ASIC2: variants seen among roughly 807,000 people sequenced by gnomAD.
The protein encoded by ASIC2 is acid-sensing ion channel 2.
A neutral mutation model predicts 57.3 loss-of-function variants in ASIC2; 25 were observed. The observed-to-expected ratio is 0.44, with a 90% CI of 0.32 to 0.61. ASIC2 has a LOEUF of 0.61. ASIC2 is among the 20% of genes least tolerant of loss of function. The pLI is 0.06. For synonymous variants in ASIC2, 319 were observed against 307.5 expected (o/e 1.04, Z -0.39); for missense variants, 641 against 738.1 (o/e 0.87, Z 1.52).
intron 1 of ASIC2, among the ~76,000 whole-genome samples, chr17:33,956,954 C>T (rs1904753438): frequency 6.6e-6 from 1 of 152,230 alleles, no homozygotes; most frequent in Non-Finnish European, 1.5e-5. Context: ...GATAGCTGCT[C>T]TGTGGCCACC....
chr17:34,012,716 TGA>T (rs948168638), intron 1 of ASIC2, among the ~76,000 whole-genome samples: 2 of 122,228 alleles, frequency 1.6e-5, no homozygotes, highest in African/African-American at 5.1e-5. Context: ...GGACAGAGAA[TGA>T]TTTTTTTTTT....
At chr17:33,077,218 C>G (rs2092092336) in intron 3 of ASIC2, among the ~76,000 whole-genome samples, 1 of 152,014 alleles carries the variant, frequency 6.6e-6, no homozygotes, top group Non-Finnish European at 1.5e-5. Context: ...CATCAAAGGC[C>G]CTATTTTAAG....
At chr17:34,033,623 T>C (rs1385312034) in intron 1 of ASIC2, among the ~76,000 whole-genome samples, 5 of 152,152 alleles carry the variant, frequency 3.3e-5, no homozygotes, top group African/African-American at 1.2e-4. Flanking sequence ...TTAGCAAGAC[T>C]AATAAAGAAG....
At chr17:33,348,987 G>T (rs1337233408) in intron 1 of ASIC2, among the ~76,000 whole-genome samples, 1 of 152,184 alleles carries the variant, frequency 6.6e-6, no homozygotes, top group Non-Finnish European at 1.5e-5. Context: ...CTGTTTGAAT[G>T]CAGACTCTTA....
chr17:33,048,494 T>C (rs1238382724), intron 3 of ASIC2, among the ~76,000 whole-genome samples: 1 of 152,194 alleles, frequency 6.6e-6, no homozygotes, highest in Non-Finnish European at 1.5e-5. Context: ...AGAATTTTGA[T>C]AGTAAAATCC....
chr17:33,369,199 T>G (rs897177062), intron 1 of ASIC2, among the ~76,000 whole-genome samples: 1 of 152,122 alleles, frequency 6.6e-6, no homozygotes, highest in Non-Finnish European at 1.5e-5. Context: ...ACCAAGAACC[T>G]GCCATAGACC....
chr17:33,913,001 T>TTAAA (rs983584741), intron 1 of ASIC2, among the ~76,000 whole-genome samples: 3 of 151,898 alleles, frequency 2.0e-5, no homozygotes, highest in African/African-American at 2.4e-5. Context: ...TAATAATAAA[T>TTAAA]TAAATAAATA....
intron 1 of ASIC2, among the ~76,000 whole-genome samples, chr17:34,097,301 C>T (rs1027064252): frequency 6.6e-6 from 1 of 151,558 alleles, no homozygotes; most frequent in African/African-American, 2.4e-5. Context: ...ATCAGAGAGG[C>T]ACAGACAAGA....
At chr17:33,464,520 C>CTT (rs71144881) in intron 1 of ASIC2, among the ~76,000 whole-genome samples, 2 of 42,350 alleles carry the variant, frequency 4.7e-5, no homozygotes, top group East Asian at 4.5e-4. Flanking sequence ...TTCTTTCTTT[C>CTT]TTTCTTTCTT....
chr17:34,024,171 A>T (rs962503447), intron 1 of ASIC2, among the ~76,000 whole-genome samples: 2 of 152,204 alleles, frequency 1.3e-5, no homozygotes, highest in Admixed American at 1.3e-4. Flanking sequence ...AAGTATAGAC[A>T]TCCAGCCAGA....
At chr17:33,736,955 G>T (rs921283220) in intron 1 of ASIC2, among the ~76,000 whole-genome samples, 1 of 152,254 alleles carries the variant, frequency 6.6e-6, no homozygotes, top group African/African-American at 2.4e-5. Flanking sequence ...GTGTAACTGA[G>T]ATACAGTAAG....
chr17:33,767,335 T>A (rs117934318), intron 1 of ASIC2, among the ~76,000 whole-genome samples: 1 of 152,336 alleles, frequency 6.6e-6, no homozygotes, highest in South Asian at 2.1e-4. Flanking sequence ...TACCTTATGA[T>A]GTTGAAGGAA....
chr17:33,924,047 C>T (rs1002217692), intron 1 of ASIC2, among the ~76,000 whole-genome samples: 3 of 152,210 alleles, frequency 2.0e-5, no homozygotes, highest in African/African-American at 7.2e-5. Flanking sequence ...TGCTCCCATC[C>T]CTCTCTTTAT....
intron 1 of ASIC2, among the ~76,000 whole-genome samples, chr17:34,072,515 C>A (rs1237331271): frequency 3.3e-5 from 5 of 152,074 alleles, no homozygotes; most frequent in African/African-American, 9.7e-5. Context: ...GAATTTTTAC[C>A]CCAGGTTCTA....
chr17:33,639,562 G>A (rs1449844677), intron 1 of ASIC2, among the ~76,000 whole-genome samples: 1 of 152,130 alleles, frequency 6.6e-6, no homozygotes, highest in Non-Finnish European at 1.5e-5. Flanking sequence ...GAACTGCCCC[G>A]AGGAGCTGCC....
At chr17:33,020,691 A>T (rs899214646) in intron 7 of ASIC2, among the ~76,000 whole-genome samples, 6 of 152,130 alleles carry the variant, frequency 3.9e-5, no homozygotes, top group African/African-American at 1.4e-4. Context: ...GTGGCCCTTC[A>T]TTTGTGTTTG....
intron 1 of ASIC2, among the ~76,000 whole-genome samples, chr17:33,875,510 A>G (rs1914524392): frequency 6.6e-6 from 1 of 152,168 alleles, no homozygotes; most frequent in Non-Finnish European, 1.5e-5. Context: ...CTCCCAGCAG[A>G]ATCCTCGGTC....
At chr17:33,348,560 A>G (rs1229606867) in intron 1 of ASIC2, among the ~76,000 whole-genome samples, 5 of 152,166 alleles carry the variant, frequency 3.3e-5, no homozygotes, top group African/African-American at 1.2e-4. Context: ...CCCGCAGATC[A>G]TGAGCTTCAG....
At chr17:33,211,257 G>A (rs1907256534) in intron 1 of ASIC2, among the ~76,000 whole-genome samples, 1 of 152,084 alleles carries the variant, frequency 6.6e-6, no homozygotes, top group Admixed American at 6.5e-5. Context: ...CTGTGTATTG[G>A]ACCCAGCTTG....
Sources: gnomAD v4.1 joint callset for allele counts (sites outside exome capture counted in the v4.1 genomes callset) on GRCh38, gnomAD v4.1.1 for gene constraint, MANE v1.5 for transcripts, NCBI Gene and HGNC (gene_info 2026-07-23, HGNC 2026-07-21) for gene names.